The following NOL10 variants were observed in gnomAD, a reference collection of about 807,000 sequenced individuals.
NOL10 encodes H_NH0074G24.1.
A neutral mutation model predicts 103.5 loss-of-function variants in NOL10; 58 were observed. The observed-to-expected ratio is 0.56, with a 90% CI of 0.45 to 0.70. NOL10 has a LOEUF of 0.70. Among genes scored for constraint, NOL10 ranks in the 30% least tolerant of loss-of-function variants. The pLI is 0.00. For missense variants in NOL10, 763 were observed against 807.3 expected, an observed-to-expected ratio of 0.95 and a Z score of 0.67; for synonymous variants, 287 against 282.5, an observed-to-expected ratio of 1.02 and a Z score of -0.16.
chr2:10,619,463 A>G (rs552849815), intron 13 of NOL10, among the ~76,000 whole-genome samples: 1 of 152,342 alleles, frequency 6.6e-6, no homozygotes, highest in African/African-American at 2.4e-5. Flanking sequence ...AAACCACTGT[A>G]GTTTAAGTGT....
At chr2:10,593,187 G>A (rs1272806094) in intron 17 of NOL10, among the ~76,000 whole-genome samples, 1 of 150,810 alleles carries the variant, frequency 6.6e-6, no homozygotes, top group Non-Finnish European at 1.5e-5. Context: ...CACGCAGGCT[G>A]GAGTGCAGTG....
At chr2:10,689,724 A>G in intron 1 of NOL10, 72 bp downstream of exon 1, 1 of 1,418,102 alleles carries the variant, frequency 7.1e-7, no homozygotes, top group Non-Finnish European at 9.8e-7. Flanking sequence ...AGGGCCGAGG[A>G]GAGGGGCGGC....
chr2:10,642,020 T>C (rs1572357482), intron 13 of NOL10, among the ~76,000 whole-genome samples: 1 of 152,304 alleles, frequency 6.6e-6, no homozygotes, highest in East Asian at 1.9e-4. Flanking sequence ...CATGTTGCTG[T>C]AGTGATCAAA....
At chr2:10,574,905 T>C (rs555996111) in intron 20 of NOL10, among the ~76,000 whole-genome samples, 20 of 152,310 alleles carry the variant, frequency 1.3e-4, no homozygotes, top group Admixed American at 3.9e-4. Flanking sequence ...AAGAGGAGCT[T>C]GTAAGCAGTG....
chr2:10,614,448 T>G (rs1438890284), intron 13 of NOL10, among the ~76,000 whole-genome samples: 1 of 152,144 alleles, frequency 6.6e-6, no homozygotes, highest in African/African-American at 2.4e-5. Context: ...AACAAATAAC[T>G]TTTTGCATTT....
chr2:10,608,131 T>C (rs6709466), intron 13 of NOL10, among the ~76,000 whole-genome samples: 89,938 of 151,998 alleles, frequency 0.59, 27,627 homozygotes, highest in African/African-American at 0.74. Flanking sequence ...TGTTTCAAAA[T>C]ATCATGCGGT....
At chr2:10,611,873 T>C (rs1676586222) in intron 13 of NOL10, among the ~76,000 whole-genome samples, 1 of 152,044 alleles carries the variant, frequency 6.6e-6, no homozygotes, top group South Asian at 2.1e-4. Context: ...CAAGACTGTG[T>C]CACTGTACTC....
At chr2:10,671,508 G>T (rs760250547) in intron 6 of NOL10, 46 bp downstream of exon 6, 3 of 1,408,260 alleles carry the variant, frequency 2.1e-6, no homozygotes, top group Non-Finnish European at 2.8e-6. Context: ...ACAGAAGTTG[G>T]TTGTTTTAGG....
chr2:10,583,079 G>A (rs886620679), intron 19 of NOL10, among the ~76,000 whole-genome samples: 3 of 152,098 alleles, frequency 2.0e-5, no homozygotes, highest in Admixed American at 6.5e-5. Flanking sequence ...TGGGTGTCAG[G>A]ACCACTCCCT....
intron 14 of NOL10, among the ~76,000 whole-genome samples, chr2:10,604,183 G>A (rs1027762667): frequency 7.2e-5 from 11 of 152,268 alleles, no homozygotes; most frequent in Admixed American, 1.3e-4. Flanking sequence ...CTTACCACTC[G>A]CCTCCTGCTG....
At chr2:10,671,286 A>G (rs1346617683) in intron 6 of NOL10, among the ~76,000 whole-genome samples, 1 of 152,190 alleles carries the variant, frequency 6.6e-6, no homozygotes, top group Non-Finnish European at 1.5e-5. Context: ...ACTATCACAG[A>G]TATTTTTAAC....
intron 19 of NOL10, among the ~76,000 whole-genome samples, chr2:10,587,553 G>A (rs1675179289): frequency 6.6e-6 from 1 of 151,646 alleles, no homozygotes; most frequent in Non-Finnish European, 1.5e-5. Context: ...TTACAGGCGT[G>A]AGCCACCGTG....
At chr2:10,678,176 G>A (rs1209956159) in intron 3 of NOL10, among the ~76,000 whole-genome samples, 1 of 151,748 alleles carries the variant, frequency 6.6e-6, no homozygotes, top group African/African-American at 2.4e-5. Context: ...TGCCTCGTGA[G>A]TAGCTGACAC....
Position 10,654,506 on chromosome 2 carries a change from A to T in NOL10, c.948T>A (p.Asn316Lys). The change falls in exon 12 of 21, where the codon AAT (asparagine) becomes AAA (lysine). Residue 316 changes from asparagine (N) to lysine (K), a missense_variant. Physicochemically the swap from Asn to Lys is moderately conservative, Grantham distance 94. Transcript: ENST00000381685. ...FTSLEPEHDLNDVCLYPNSGM... is the reference protein window; with the variant it reads ...FTSLEPEHDLKDVCLYPNSGM... ...CTGAGTTGGGGTAGAGACAAACATCATTAAGGTCATGCTCTGGCTCCAAGG... is the reference window on the plus strand; with the variant it reads ...CTGAGTTGGGGTAGAGACAAACATCTTTAAGGTCATGCTCTGGCTCCAAGG... 6.2e-7 allele frequency: 1 copy of T among 1,602,206 alleles called. No homozygotes were observed. Among genetic ancestry groups the T allele is most frequent in the Non-Finnish European group, 8.5e-7 (1 of 1,177,114 alleles).
chr2:10,618,008 G>A (rs1295199087), intron 13 of NOL10, among the ~76,000 whole-genome samples: 2 of 150,116 alleles, frequency 1.3e-5, no homozygotes, highest in East Asian at 2.0e-4. Context: ...GGCAACCACT[G>A]CACAACTCTG....
chr2:10,623,022 A>C (rs1022872564), intron 13 of NOL10, among the ~76,000 whole-genome samples: 1 of 151,934 alleles, frequency 6.6e-6, no homozygotes, highest in African/African-American at 2.4e-5. Context: ...TCTCACACCC[A>C]ACTCTTCCCT....
Position 10,571,972 on chromosome 2 carries a change from T to A in NOL10, c.*99A>T. The A allele has an allele frequency of 5.0e-6, 7 of 1,397,386 alleles. No homozygotes were observed. Among genetic ancestry groups the A allele is most frequent in the Non-Finnish European group, 6.9e-6 (7 of 1,010,302 alleles). The allele number at this position is 1,397,386 out of a possible 1,614,324, so 86.6% of individuals were successfully genotyped here. A position where few individuals can be genotyped will look rare whatever the true frequency, so the allele number is the denominator to read the frequency against. On this transcript the variant is annotated 3_prime_UTR_variant, in exon 21 of 21. Transcript: ENST00000381685. ...TGTGTACAAGAACGTACATGAACTT[T>A]AAAAACGTGTGTTTCCTCGTCTGTG...
chr2:10,627,280 T>C (rs1000117092), intron 13 of NOL10, among the ~76,000 whole-genome samples: 1 of 152,212 alleles, frequency 6.6e-6, no homozygotes, highest in Non-Finnish European at 1.5e-5. Context: ...TTCCATAAGA[T>C]GTCTTATCTT....
intron 8 of NOL10, among the ~76,000 whole-genome samples, chr2:10,665,638 T>C (rs1461120533): frequency 6.6e-6 from 1 of 152,192 alleles, no homozygotes; most frequent in Non-Finnish European, 1.5e-5. Flanking sequence ...AGCAGCACGT[T>C]CTAATACATA....
Sources: gnomAD v4.1 joint callset for allele counts (sites outside exome capture counted in the v4.1 genomes callset) on GRCh38, gnomAD v4.1.1 for gene constraint, MANE v1.5 for transcripts, NCBI Gene and HGNC (gene_info 2026-07-23, HGNC 2026-07-21) for gene names.